The following ASS1 variants were observed in gnomAD, a reference collection of about 807,000 sequenced individuals.
The protein encoded by ASS1 is argininosuccinate synthase 1.
ASS1 carries 58 observed loss-of-function variants against 60.5 expected under a neutral mutation model. The observed-to-expected ratio is 0.96, with a 90% CI of 0.78 to 1.19. ASS1 has a LOEUF of 1.19. ASS1 is among the 50% of genes most tolerant of loss of function. The pLI, the probability that ASS1 is intolerant of heterozygous loss-of-function variation, is 0.00. For synonymous variants in ASS1, 200 were observed against 206.9 expected, an observed-to-expected ratio of 0.97 and a Z score of 0.29; for missense variants, 454 against 547.3, an observed-to-expected ratio of 0.83 and a Z score of 1.70.
At chr9:130,493,773 G>C (rs1846514021) in intron 12 of ASS1, among the ~76,000 whole-genome samples, 1 of 152,152 alleles carries the variant, frequency 6.6e-6, no homozygotes, top group Non-Finnish European at 1.5e-5. Context: ...CTGCCTGCCT[G>C]CCCCTTGGTC....
intron 9 of ASS1, among the ~76,000 whole-genome samples, chr9:130,479,207 C>T (rs1005677197): frequency 1.3e-5 from 2 of 151,734 alleles, no homozygotes; most frequent in Non-Finnish European, 2.9e-5. Flanking sequence ...TCACCCCCAT[C>T]AATCAGATGG....
chr9:130,483,356 CG>C (rs1454899644), intron 11 of ASS1, among the ~76,000 whole-genome samples: 1 of 6,222 alleles, frequency 1.6e-4, no homozygotes, highest in East Asian at 4.4e-3. Flanking sequence ...CTCTGGGGGG[CG>C]GGGGCGGGTA....
At chr9:130,473,367 G>A (rs1160073570) in intron 8 of ASS1, among the ~76,000 whole-genome samples, 1 of 152,142 alleles carries the variant, frequency 6.6e-6, no homozygotes, top group Non-Finnish European at 1.5e-5. Flanking sequence ...TTCATGGGAG[G>A]AAGGGTCCAA....
intron 1 of ASS1, among the ~76,000 whole-genome samples, chr9:130,447,093 G>C (rs1469643077): frequency 6.6e-6 from 1 of 152,248 alleles, no homozygotes; most frequent in Admixed American, 6.5e-5. Context: ...CAGTAGGCCT[G>C]AGCTATAGCA....
chr9:130,482,544 C>T (rs1846199494), intron 11 of ASS1, among the ~76,000 whole-genome samples: 1 of 151,742 alleles, frequency 6.6e-6, no homozygotes, highest in Non-Finnish European at 1.5e-5. Flanking sequence ...AAGATAAGGA[C>T]TGGCCTGAAG....
intron 1 of ASS1, among the ~76,000 whole-genome samples, chr9:130,449,806 G>A (rs1038539648): frequency 6.6e-6 from 1 of 152,138 alleles, no homozygotes; most frequent in Non-Finnish European, 1.5e-5. Flanking sequence ...TGTCACGGGC[G>A]CATCCGCACG....
intron 6 of ASS1, among the ~76,000 whole-genome samples, chr9:130,467,046 G>A (rs1295489201): frequency 2.0e-5 from 3 of 152,196 alleles, no homozygotes; most frequent in South Asian, 4.1e-4. Context: ...CCAGTCCCCC[G>A]AGCCAGAGGA....
chr9:130,468,038 A>C (rs1845787691), intron 6 of ASS1, among the ~76,000 whole-genome samples: 1 of 152,246 alleles, frequency 6.6e-6, no homozygotes, highest in South Asian at 2.1e-4. Flanking sequence ...TGCCAGGGAA[A>C]GATGAGCATG....
At chr9:130,480,999 C>T (rs1180944287) in intron 11 of ASS1, among the ~76,000 whole-genome samples, 1 of 152,240 alleles carries the variant, frequency 6.6e-6, no homozygotes, top group Non-Finnish European at 1.5e-5. Context: ...GCAGTTGAGG[C>T]TGAGCTTCAG....
chr9:130,452,040 C>T (rs532387107), intron 1 of ASS1, 184 bp from the exon 2 acceptor site: 26 of 691,254 alleles, frequency 3.8e-5, no homozygotes, highest in Non-Finnish European at 6.4e-5. Context: ...GCAGAGTGTG[C>T]GAGGTCAGGG....
rs1025341349 is a variant in ASS1, at chr9:130,494,724, G to A, written c.971-143G>A. 2.0e-5 allele frequency: 22 copies of A among 1,083,544 alleles called. No homozygotes were observed. The highest frequency in any genetic ancestry group is 1.3e-4 in the East Asian group (5 of 39,888). 67.1% of individuals were successfully genotyped at this position (1,083,544 alleles called of 1,614,324 possible). A position where few individuals can be genotyped will look rare whatever the true frequency, so the allele number is the denominator to read the frequency against. ...GTCCTCAACTCAGCCACTGGCAAGCGCACATTGTGCCAGTCTCGCGGGAGG... is the reference window on the plus strand; with the variant it reads ...GTCCTCAACTCAGCCACTGGCAAGCACACATTGTGCCAGTCTCGCGGGAGG... On this transcript the variant is annotated intron_variant, in intron 12 of 14. Transcript: ENST00000352480. This position sits in a 1 kb window ranked among gnomAD's most constrained non-coding sequence, Gnocchi z 4.3.
At position 130,476,215 on chromosome 9, in the gene ASS1, G is replaced by A. The variant is rs1846014564; in HGVS notation, c.598-656G>A. 6.5e-6 allele frequency: 1 copy of A among 153,766 alleles called. No homozygotes were observed. Among genetic ancestry groups the A allele is most frequent in the African/African-American group, 2.4e-5 (1 of 41,436 alleles). 9.5% of individuals were successfully genotyped at this position (153,766 alleles called of 1,614,324 possible). A position where few individuals can be genotyped will look rare whatever the true frequency, so the allele number is the denominator to read the frequency against. On this transcript the variant is annotated intron_variant, in intron 8 of 14. Transcript: ENST00000352480. This position sits in a 1 kb window ranked among gnomAD's most constrained non-coding sequence, Gnocchi z 4.9. ...TGGCAAATGTCCAAGCCACGGCCTG[G>A]GGGAGCTGGGGCCTCCGAAGGTGGG...
chr9:130,496,173 C>T (rs1466021931), intron 13 of ASS1, among the ~76,000 whole-genome samples: 1 of 152,142 alleles, frequency 6.6e-6, no homozygotes, highest in Non-Finnish European at 1.5e-5. Context: ...GTAATCCCAA[C>T]TCTTTGGGAG....
In ASS1 at chr9:130,473,009, C is replaced by T. The variant is rs117411705; in HGVS notation, c.597+1494C>T. 7.9e-3 allele frequency among the ~76,000 whole-genome samples: 1,206 copies of T among 152,250 alleles called. 8 individuals carry two copies. The highest frequency in any genetic ancestry group is 0.034 in the Middle Eastern group (10 of 294). ...CCCTCGGACCGTGCAGGAGGGCATC[C>T]GGGGCCTGGAGCAGGTTACTGAGCT... On this transcript the variant is annotated intron_variant, in intron 8 of 14. Transcript: ENST00000352480.
chr9:130,492,948 G>A (rs1379130564), intron 12 of ASS1, among the ~76,000 whole-genome samples: 2 of 152,214 alleles, frequency 1.3e-5, no homozygotes, highest in African/African-American at 4.8e-5. Flanking sequence ...GGCAGAGGTA[G>A]AAAATTCTGA....
chr9:130,480,577 C>T (rs1588496503), intron 11 of ASS1, 128 bp downstream of exon 11: 1 of 1,013,124 alleles, frequency 9.9e-7, no homozygotes, highest in Non-Finnish European at 1.5e-6. Flanking sequence ...CGTCCTTTCA[C>T]CACACCCCGT....
intron 3 of ASS1, among the ~76,000 whole-genome samples, chr9:130,454,916 A>G (rs1588473101): frequency 1.4e-5 from 2 of 143,668 alleles, no homozygotes; most frequent in East Asian, 4.2e-4. Flanking sequence ...CCACCCATCC[A>G]TTATCCATCC....
intron 11 of ASS1, among the ~76,000 whole-genome samples, chr9:130,487,592 T>C (rs1250855068): frequency 1.3e-5 from 2 of 152,130 alleles, no homozygotes; most frequent in East Asian, 3.9e-4. Flanking sequence ...ACTCCCCATT[T>C]TCCCTACCCC....
At chr9:130,467,456 G>T (rs1447678291) in intron 6 of ASS1, among the ~76,000 whole-genome samples, 1 of 152,134 alleles carries the variant, frequency 6.6e-6, no homozygotes. Context: ...GCAACTCAGC[G>T]CACACACCAG....
Sources: gnomAD v4.1 joint callset for allele counts (sites outside exome capture counted in the v4.1 genomes callset) on GRCh38, gnomAD v4.1.1 for gene constraint, Gnocchi (gnomAD v3.1) non-coding constraint, MANE v1.5 for transcripts, NCBI Gene and HGNC (gene_info 2026-07-23, HGNC 2026-07-21) for gene names.